Variants in NUSAP1 observed in about 807,000 individuals in gnomAD.
The protein encoded by NUSAP1 is nucleolar and spindle associated protein 1, also known as nucleolar and spindle-associated protein 1.
Under a neutral mutation model 52.8 loss-of-function variants are expected in NUSAP1, and 32 were observed. That is an observed-to-expected ratio of 0.61 (90% CI 0.46 to 0.81). The LOEUF (loss-of-function observed/expected upper bound fraction) is 0.81, where lower values mean the gene tolerates loss of function less well. NUSAP1 is among the 40% of genes least tolerant of loss of function. The probability of loss-of-function intolerance (pLI) is 0.00; values close to 1 mark genes in which losing one functional copy is unlikely to be tolerated. For synonymous variants in NUSAP1, 195 were observed against 183.1 expected, an observed-to-expected ratio of 1.06 and a Z score of -0.52; for missense variants, 499 against 522.3, an observed-to-expected ratio of 0.96 and a Z score of 0.43.
intron 3 of NUSAP1, among the ~76,000 whole-genome samples, chr15:41,350,505 G>T (rs1224013171): frequency 2.6e-5 from 4 of 151,852 alleles, no homozygotes; most frequent in Admixed American, 6.6e-5. Context: ...GGGGAGGGTG[G>T]TGTCTGGAGC....
At chr15:41,355,573 A>G (rs1431548598) in intron 4 of NUSAP1, among the ~76,000 whole-genome samples, 4 of 152,100 alleles carry the variant, frequency 2.6e-5, no homozygotes, top group Non-Finnish European at 5.9e-5. Flanking sequence ...TGCTGTAACT[A>G]ATTTTTTGTG....
intron 6 of NUSAP1, among the ~76,000 whole-genome samples, chr15:41,364,156 A>G (rs937139680): frequency 1.3e-5 from 2 of 152,170 alleles, no homozygotes; most frequent in Non-Finnish European, 2.9e-5. Flanking sequence ...AATAAACTGT[A>G]TATAACGTCT....
At position 41,361,100 on chromosome 15, in the gene NUSAP1, C is replaced by CA. The variant is rs372017363; in HGVS notation, c.660+2850dup. 6.2e-3 allele frequency among the ~76,000 whole-genome samples: 878 copies of CA among 141,940 alleles called. 13 individuals are homozygous for CA. Among genetic ancestry groups the CA allele is most frequent in the African/African-American group, 0.021 (802 of 38,546 alleles). The allele number at this position is 141,940 out of a possible 152,430, so 93.1% of individuals were successfully genotyped here. A position where few individuals can be genotyped will look rare whatever the true frequency, so the allele number is the denominator to read the frequency against. Reference sequence around the variant, plus strand: ...CAGACCAAGACTCCATCTCAAAAAACAAAAAAAATAGGCCAGGGCGTGGTG... The same window carrying CA: ...CAGACCAAGACTCCATCTCAAAAAACAAAAAAAAATAGGCCAGGGCGTGGTG... On this transcript the variant is annotated intron_variant, in intron 6 of 10. Transcript: ENST00000559596.
chr15:41,357,233 C>T (rs1187245145), intron 5 of NUSAP1, among the ~76,000 whole-genome samples: 2 of 151,702 alleles, frequency 1.3e-5, no homozygotes, highest in Non-Finnish European at 2.9e-5. Flanking sequence ...CCAGGTGTGG[C>T]GGCAGGTGCC....
intron 3 of NUSAP1, among the ~76,000 whole-genome samples, chr15:41,349,690 G>A (rs2048708255): frequency 6.6e-6 from 1 of 150,896 alleles, no homozygotes; most frequent in Non-Finnish European, 1.5e-5. Context: ...GTAGACTCTG[G>A]TTTTATTCTT....
At chr15:41,347,947 A>T (rs547487732) in intron 2 of NUSAP1, among the ~76,000 whole-genome samples, 2 of 152,060 alleles carry the variant, frequency 1.3e-5, no homozygotes, top group Non-Finnish European at 2.9e-5. Flanking sequence ...ACATAGTGAG[A>T]CCCCATTTCT....
At chr15:41,355,674 GT>G (rs1567054932) in intron 4 of NUSAP1, among the ~76,000 whole-genome samples, 1 of 149,052 alleles carries the variant, frequency 6.7e-6, no homozygotes, top group Non-Finnish European at 1.5e-5. Context: ...TTTTGTTTTT[GT>G]TTTTGTTTTT....
intron 7 of NUSAP1, among the ~76,000 whole-genome samples, chr15:41,370,243 G>A (rs1415236057): frequency 1.3e-5 from 2 of 151,574 alleles, no homozygotes; most frequent in East Asian, 1.9e-4. Context: ...ATAGCCGGGC[G>A]TAGTGGCGGG....
At chr15:41,350,922 T>C in intron 3 of NUSAP1, 66 bp from the exon 4 acceptor site, 1 of 1,409,050 alleles carries the variant, frequency 7.1e-7, no homozygotes, top group Admixed American at 2.1e-5. Flanking sequence ...ACTTTGGTAC[T>C]TATCTTTGGA....
chr15:41,363,520 A>G (rs1490360124), intron 6 of NUSAP1, among the ~76,000 whole-genome samples: 1 of 152,016 alleles, frequency 6.6e-6, no homozygotes. Flanking sequence ...GACAATAGTC[A>G]TGCACTACTA....
At chr15:41,377,488 A>G (rs543033403) in intron 10 of NUSAP1, among the ~76,000 whole-genome samples, 184 bp downstream of exon 10, 1 of 146,738 alleles carries the variant, frequency 6.8e-6, no homozygotes, top group South Asian at 2.2e-4. Context: ...ACACGAGGTC[A>G]GGAGATCGAA....
At chr15:41,377,862 G>T (rs796489899) in intron 10 of NUSAP1, among the ~76,000 whole-genome samples, 1 of 141,018 alleles carries the variant, frequency 7.1e-6, no homozygotes, top group Non-Finnish European at 1.6e-5. Flanking sequence ...TTAGCCGGGC[G>T]TGGTGGCGGG....
At chr15:41,376,043 G>A (rs1402867632) in intron 9 of NUSAP1, among the ~76,000 whole-genome samples, 1 of 151,998 alleles carries the variant, frequency 6.6e-6, no homozygotes, top group African/African-American at 2.4e-5. Context: ...TCCAGCCTGG[G>A]CAACAAGAGT....
At chr15:41,342,741 G>T (rs1215077297) in intron 2 of NUSAP1, among the ~76,000 whole-genome samples, 1 of 152,124 alleles carries the variant, frequency 6.6e-6, no homozygotes, top group Non-Finnish European at 1.5e-5. Context: ...AGGAGGCTGA[G>T]ACAGGGAGAA....
chr15:41,380,202 T>G lies in NUSAP1; in HGVS notation c.*16T>G. The G allele has an allele frequency of 6.6e-7, 1 of 1,515,966 alleles. No individual in the cohort carries two copies. Among genetic ancestry groups the G allele is most frequent in the Non-Finnish European group, 8.9e-7 (1 of 1,117,364 alleles). 93.9% of individuals were successfully genotyped at this position (1,515,966 alleles called of 1,614,324 possible). ...TGAAGATTAATAATTTTTTAACATC[T>G]TGTAAATATTCCTGTATTCTCAACT... is the stretch of plus-strand genomic sequence containing the variant. On this transcript the variant is annotated 3_prime_UTR_variant, in exon 11 of 11. Transcript: ENST00000559596.
intron 10 of NUSAP1, among the ~76,000 whole-genome samples, chr15:41,379,257 T>C (rs183783336): frequency 4.0e-5 from 6 of 151,558 alleles, no homozygotes; most frequent in African/African-American, 1.5e-4. Context: ...CCTGGTCAAC[T>C]TTGATTTCTA....
At chr15:41,342,274 T>G in intron 1 of NUSAP1, 112 bp from the exon 2 acceptor site, 2 of 703,128 alleles carry the variant, frequency 2.8e-6, no homozygotes, top group Non-Finnish European at 5.0e-6. Flanking sequence ...ATGGTTCTAG[T>G]CCTATGGTCT....
intron 2 of NUSAP1, among the ~76,000 whole-genome samples, chr15:41,346,041 T>G (rs1188997597): frequency 6.6e-6 from 1 of 151,968 alleles, no homozygotes; most frequent in Non-Finnish European, 1.5e-5. Context: ...TTATTCTTTT[T>G]TTTTTTGAGA....
In NUSAP1 at chr15:41,371,507, T is replaced by C. The variant is rs2049687250; in HGVS notation, c.849-20T>C. The C allele has an allele frequency of 1.3e-6, 2 of 1,575,958 alleles. No homozygotes were observed. Among genetic ancestry groups the C allele is most frequent in the East Asian group, 4.5e-5 (2 of 44,384 alleles). On this transcript the variant is annotated intron_variant, in intron 7 of 10. Coordinates refer to ENST00000559596, the MANE Select transcript of NUSAP1 (RefSeq NM_016359.5). Reference sequence around the variant, plus strand: ...CTCTTGCCACAGTACTCATGTCTTGTACTCTGCTGTCCTATTTAGGTTTTC... The same window carrying C: ...CTCTTGCCACAGTACTCATGTCTTGCACTCTGCTGTCCTATTTAGGTTTTC...
Sources: allele counts gnomAD v4.1 joint callset (sites outside exome capture counted in the v4.1 genomes callset), GRCh38; gene constraint gnomAD v4.1.1; transcripts MANE v1.5; gene names NCBI Gene and HGNC (gene_info 2026-07-23, HGNC 2026-07-21).